NFATC1: variants seen among roughly 807,000 people sequenced by gnomAD.
NFATC1 encodes nuclear factor of activated T-cells, cytoplasmic 1.
A neutral mutation model predicts 76.0 loss-of-function variants in NFATC1; 22 were observed. The observed-to-expected ratio is 0.29, with a 90% CI of 0.21 to 0.41. The LOEUF (loss-of-function observed/expected upper bound fraction) is 0.41, where lower values mean the gene tolerates loss of function less well. NFATC1 is among the 10% of genes least tolerant of loss of function. The pLI is 1.00. For synonymous variants in NFATC1, 704 were observed against 613.1 expected (o/e 1.15, Z -2.19); for missense variants, 1,357 against 1,337.7 (o/e 1.01, Z -0.23).
Position 79,519,629 on chromosome 18 carries a change from A to G in NFATC1, c.2783-7899A>G, listed in dbSNP as rs561163703. ...GCTGGGATTACAGGTGTGAGCCACC[A>G]TGCCTGGTCTTAGGTCAGTTTTTAA... is the stretch of plus-strand genomic sequence containing the variant. On this transcript the variant is annotated intron_variant, in intron 9 of 9. Transcript: ENST00000427363. Among the ~76,000 whole-genome samples the G allele has an allele frequency of 2.2e-3, 341 of 152,282 alleles. 1 individual carries two copies. Among genetic ancestry groups the G allele is most frequent in the African/African-American group, 7.7e-3 (320 of 41,542 alleles).
intron 9 of NFATC1, among the ~76,000 whole-genome samples, chr18:79,492,882 AAAAG>A (rs1442107165): frequency 1.5e-5 from 2 of 134,824 alleles, no homozygotes; most frequent in Non-Finnish European, 3.0e-5. Flanking sequence ...TCAAAAAAAA[AAAAG>A]AAAAATGAAT....
At chr18:79,409,561 A>G (rs1422956806) in intron 1 of NFATC1, among the ~76,000 whole-genome samples, 2 of 151,800 alleles carry the variant, frequency 1.3e-5, no homozygotes, top group Admixed American at 6.6e-5. Flanking sequence ...CCCATAATCC[A>G]TCTCTTTATC....
chr18:79,443,401 C>T (rs1161643254), intron 3 of NFATC1, among the ~76,000 whole-genome samples: 1 of 152,240 alleles, frequency 6.6e-6, no homozygotes, highest in African/African-American at 2.4e-5. Flanking sequence ...CTTCACCAGG[C>T]ATGGTAGTGA....
intron 9 of NFATC1, among the ~76,000 whole-genome samples, chr18:79,519,014 G>A (rs902173758): frequency 1.3e-5 from 2 of 152,202 alleles, no homozygotes; most frequent in Non-Finnish European, 2.9e-5. Flanking sequence ...GATGTGTCCT[G>A]AGCCCTGCAG....
intron 1 of NFATC1, among the ~76,000 whole-genome samples, chr18:79,404,383 G>A (rs527814931): frequency 2.6e-5 from 4 of 152,236 alleles, no homozygotes; most frequent in African/African-American, 7.2e-5. Flanking sequence ...CTGTCATGCC[G>A]CGGGCCTGAC....
intron 3 of NFATC1, among the ~76,000 whole-genome samples, chr18:79,443,676 G>A (rs947842739): frequency 2.0e-5 from 3 of 152,254 alleles, no homozygotes; most frequent in Non-Finnish European, 4.4e-5. Flanking sequence ...CCGGGCACAT[G>A]GACGCTTCCC....
chr18:79,397,611 A>G (rs992295645), intron 1 of NFATC1, among the ~76,000 whole-genome samples: 4 of 152,236 alleles, frequency 2.6e-5, no homozygotes, highest in African/African-American at 9.6e-5. Context: ...TGTTTTACAC[A>G]ATGTGCTCTT....
chr18:79,422,019 G>A (rs1184241178), intron 2 of NFATC1: 1 of 152,218 alleles, frequency 6.6e-6, no homozygotes, highest in Admixed American at 6.5e-5. Context: ...TAGGTGATTT[G>A]AGAAACCGCT....
chr18:79,451,155 G>C, intron 5 of NFATC1, 29 bp downstream of exon 5: 1 of 1,594,464 alleles, frequency 6.3e-7, no homozygotes, highest in Non-Finnish European at 8.6e-7. Flanking sequence ...GCCCACAGGG[G>C]AGGAAACCGT....
intron 1 of NFATC1, chr18:79,400,619 G>A (rs2085172406): frequency 2.7e-6 from 2 of 740,978 alleles, no homozygotes; most frequent in Non-Finnish European, 3.8e-6. Context: ...TACGGCGGGG[G>A]ACGCTGCAGT....
At chr18:79,398,880 A>G (rs1600566622) in intron 1 of NFATC1, among the ~76,000 whole-genome samples, 2 of 152,356 alleles carry the variant, frequency 1.3e-5, no homozygotes, top group Non-Finnish European at 2.9e-5. Context: ...CATCCTGGTC[A>G]ACATGGTGAA....
chr18:79,450,196 T>C (rs1386155395), intron 4 of NFATC1, among the ~76,000 whole-genome samples: 1 of 152,148 alleles, frequency 6.6e-6, no homozygotes, highest in Non-Finnish European at 1.5e-5. Flanking sequence ...GGAGTCTGTG[T>C]TTATTCTCAT....
intron 9 of NFATC1, among the ~76,000 whole-genome samples, chr18:79,526,306 G>A (rs1348543691): frequency 1.3e-5 from 2 of 152,280 alleles, no homozygotes; most frequent in Non-Finnish European, 2.9e-5. Flanking sequence ...CCACACTGGG[G>A]GCGGAGCCCT....
At chr18:79,493,662 G>A (rs1381450835) in intron 9 of NFATC1, 1 of 152,202 alleles carries the variant, frequency 6.6e-6, no homozygotes, top group Non-Finnish European at 1.5e-5. Flanking sequence ...TTCGTGGAAA[G>A]TCTTACTAAC....
At chr18:79,453,518 G>A (rs907387626) in intron 6 of NFATC1, among the ~76,000 whole-genome samples, 8 of 152,214 alleles carry the variant, frequency 5.3e-5, no homozygotes, top group Non-Finnish European at 1.2e-4. Flanking sequence ...CATCATCACT[G>A]TGAGCTGTGG....
At position 79,452,016 on chromosome 18, in the gene NFATC1, A is replaced by G. The variant is rs898095971; in HGVS notation, c.1903+200A>G. The G allele has an allele frequency of 1.8e-5, 10 of 551,246 alleles. No individual in the cohort carries two copies. The East Asian group carries it at 3.5e-4, about 19-fold the overall frequency. 34.1% of individuals were successfully genotyped at this position (551,246 alleles called of 1,614,324 possible). A position where few individuals can be genotyped will look rare whatever the true frequency, so the allele number is the denominator to read the frequency against. On this transcript the variant is annotated intron_variant, in intron 6 of 9. Coordinates refer to ENST00000427363, the MANE Select transcript of NFATC1 (RefSeq NM_001278669.2). ...TGTGAGCCGACAGCTGTGCTGCTGA[A>G]GGGAAGAGGTGGATGTTTATTTCTG...
chr18:79,401,651 C>A (rs567768724), intron 1 of NFATC1, among the ~76,000 whole-genome samples: 1 of 152,232 alleles, frequency 6.6e-6, no homozygotes, highest in African/African-American at 2.4e-5. Context: ...GTGTGCCATG[C>A]GAGAGTGTCG....
chr18:79,423,784 G>A (rs1053999456), intron 2 of NFATC1, among the ~76,000 whole-genome samples: 1 of 152,124 alleles, frequency 6.6e-6, no homozygotes, highest in South Asian at 2.1e-4. Context: ...TGTGAGGCCC[G>A]TGCCCTCCTC....
intron 9 of NFATC1, among the ~76,000 whole-genome samples, chr18:79,516,227 A>G (rs1001522826): frequency 1.3e-5 from 2 of 152,122 alleles, no homozygotes; most frequent in African/African-American, 4.8e-5. Flanking sequence ...GGCTTGTTTT[A>G]TGAAAACTGT....
Sources: gnomAD v4.1 joint callset for allele counts (sites outside exome capture counted in the v4.1 genomes callset) on GRCh38, gnomAD v4.1.1 for gene constraint, MANE v1.5 for transcripts, NCBI Gene and HGNC (gene_info 2026-07-23, HGNC 2026-07-21) for gene names.